PPA2: variants seen among roughly 807,000 people sequenced by gnomAD.
PPA2 encodes the protein inorganic pyrophosphatase 2.
In PPA2, 48 loss-of-function variants were observed where a neutral mutation model predicts 49.5. The ratio of observed to expected loss-of-function variants is 0.97; its 90% CI spans 0.77 to 1.23. The LOEUF is 1.23. Among genes scored for constraint, PPA2 ranks in the 50% most tolerant of loss-of-function variants. The probability of loss-of-function intolerance (pLI) is 0.00; values close to 1 mark genes in which losing one functional copy is unlikely to be tolerated. For missense variants in PPA2, 429 were observed against 410.1 expected (o/e 1.05, Z -0.40); for synonymous variants, 131 against 139.9 (o/e 0.94, Z 0.45).
At chr4:105,408,256 G>A (rs1248049179) in intron 7 of PPA2, among the ~76,000 whole-genome samples, 1 of 152,124 alleles carries the variant, frequency 6.6e-6, no homozygotes, top group East Asian at 1.9e-4. Context: ...CCACTAAGGT[G>A]CAAAACTACC....
At chr4:105,407,139 A>G (rs1394189907) in intron 7 of PPA2, 2 of 83,208 alleles carry the variant, frequency 2.4e-5, no homozygotes, top group Non-Finnish European at 5.1e-5. Flanking sequence ...AGTGCACTAC[A>G]AGCATAGTGA....
chr4:105,370,949 C>T, intron 10 of PPA2, 76 bp from the exon 11 acceptor site: 1 of 1,344,704 alleles, frequency 7.4e-7, no homozygotes, highest in Non-Finnish European at 9.8e-7. Context: ...GAAGTTTTTT[C>T]ACGAAATTAT....
intron 11 of PPA2, 122 bp from the exon 12 acceptor site, chr4:105,369,875 C>CCTG: frequency 3.3e-6 from 3 of 904,648 alleles, no homozygotes; most frequent in South Asian, 1.5e-5. Flanking sequence ...CAGTCATAAG[C>CCTG]TATCTAAAGT....
chr4:105,430,036 T>C (rs954269009), intron 6 of PPA2, among the ~76,000 whole-genome samples: 2 of 152,250 alleles, frequency 1.3e-5, no homozygotes, highest in Admixed American at 1.3e-4. Flanking sequence ...ATATATCCTT[T>C]TACTTTTAAA....
At chr4:105,381,474 T>C (rs914299565) in intron 10 of PPA2, among the ~76,000 whole-genome samples, 4 of 152,052 alleles carry the variant, frequency 2.6e-5, no homozygotes, top group South Asian at 2.1e-4. Context: ...GAAAACCTCA[T>C]TGGGATTCTG....
intron 10 of PPA2, among the ~76,000 whole-genome samples, chr4:105,382,852 T>G (rs189331888): frequency 3.9e-5 from 6 of 151,918 alleles, no homozygotes; most frequent in Admixed American, 2.0e-4. Flanking sequence ...CTAGAAAAAC[T>G]TCGCCAGGTG....
intron 1 of PPA2, among the ~76,000 whole-genome samples, chr4:105,458,722 T>C (rs1355945750): frequency 6.9e-6 from 1 of 145,704 alleles, no homozygotes; most frequent in African/African-American, 2.6e-5. Flanking sequence ...CTCAGGAAGC[T>C]GAGGCAGGAG....
chr4:105,369,478 C>T lies in PPA2; in HGVS notation c.*247G>A. 4.5e-6 allele frequency: 2 copies of T among 442,942 alleles called. No individual in the cohort carries two copies. The highest frequency in any genetic ancestry group is 8.1e-6 in the Non-Finnish European group (2 of 245,994). 27.4% of individuals were successfully genotyped at this position (442,942 alleles called of 1,614,324 possible). A position where few individuals can be genotyped will look rare whatever the true frequency, so the allele number is the denominator to read the frequency against. On this transcript the variant is annotated 3_prime_UTR_variant, in exon 12 of 12. Coordinates refer to ENST00000341695, the MANE Select transcript of PPA2 (RefSeq NM_176869.3). ...GACCTTGTGATCTGCCCACCTCGGCCTCCCAAAGTGCTGAAATTACAGGCA... is the reference window on the plus strand; with the variant it reads ...GACCTTGTGATCTGCCCACCTCGGCTTCCCAAAGTGCTGAAATTACAGGCA...
At chr4:105,455,311 C>T (rs1722835268) in intron 2 of PPA2, among the ~76,000 whole-genome samples, 1 of 152,298 alleles carries the variant, frequency 6.6e-6, no homozygotes, top group East Asian at 1.9e-4. Flanking sequence ...AACACATATA[C>T]ACACGCACTT....
intron 6 of PPA2, among the ~76,000 whole-genome samples, chr4:105,425,355 T>C (rs1225897605): frequency 1.3e-5 from 2 of 151,812 alleles, no homozygotes; most frequent in African/African-American, 2.4e-5. Flanking sequence ...CATGACAATA[T>C]GGAAGAGAGA....
intron 1 of PPA2, among the ~76,000 whole-genome samples, chr4:105,464,633 T>G (rs530282182): frequency 6.6e-6 from 1 of 152,262 alleles, no homozygotes; most frequent in South Asian, 2.1e-4. Flanking sequence ...TGGGAGATAA[T>G]TGAATCATGG....
At chr4:105,393,901 G>C (rs1238620510) in intron 9 of PPA2, among the ~76,000 whole-genome samples, 2 of 152,084 alleles carry the variant, frequency 1.3e-5, no homozygotes, top group African/African-American at 4.8e-5. Context: ...ATTAAGTTAT[G>C]ATAAAGAGAA....
In PPA2 at chr4:105,426,878, G is replaced by A. The variant is rs531925924; in HGVS notation, c.529-2556C>T. Among the ~76,000 whole-genome samples, 10 of 152,308 alleles carry A rather than the reference G, an allele frequency of 6.6e-5. 1 individual carries two copies. The South Asian group carries it at 1.0e-3, about 16-fold the overall frequency. On this transcript the variant is annotated intron_variant, in intron 6 of 11. Transcript: ENST00000341695. Reference sequence around the variant, plus strand: ...TCTTCCAGCATGGCATTTGAGCTCCGATAATAGACAAGACTGCCTCCTCAA... The same window carrying A: ...TCTTCCAGCATGGCATTTGAGCTCCAATAATAGACAAGACTGCCTCCTCAA...
chr4:105,465,080 T>TA (rs1272196518), intron 1 of PPA2, among the ~76,000 whole-genome samples: 1 of 152,186 alleles, frequency 6.6e-6, no homozygotes, highest in African/African-American at 2.4e-5. Context: ...GAATGCTCAT[T>TA]AAAATGCAGA....
chr4:105,399,188 T>C, intron 7 of PPA2, 24 bp from the exon 8 acceptor site: 1 of 1,578,032 alleles, frequency 6.3e-7, no homozygotes, highest in Non-Finnish European at 8.5e-7. Flanking sequence ...AACAAAAAGA[T>C]GTTTTGTTAA....
intron 8 of PPA2, 79 bp downstream of exon 8, chr4:105,398,958 C>T (rs1012444557): frequency 6.8e-7 from 1 of 1,481,192 alleles, no homozygotes; most frequent in Non-Finnish European, 9.1e-7. Flanking sequence ...TACATATTCA[C>T]ATAAGAAACT....
chr4:105,386,590 C>A lies in PPA2; in HGVS notation c.916G>T (p.Glu306Ter), dbSNP rs749389599. The change falls in exon 10 of 12, where the codon GAA (glutamate) becomes TAA (stop). Residue 306 changes from glutamate to a stop codon, truncating the protein, a stop_gained. Transcript: ENST00000341695. LOFTEE classifies it high-confidence loss of function. ...SDSPFRCTQE[E>*]ARSLVESVSS... The stretch of plus-strand genomic sequence containing the variant: ...ACCGATTCAACTAATGATCTTGCTT[C>A]CTCTTGAGTGCAACGGAAAGGGCTA... 1 of 1,612,306 alleles carries A rather than the reference C, an allele frequency of 6.2e-7. No homozygotes were observed. The highest frequency in any genetic ancestry group is 8.5e-7 in the Non-Finnish European group (1 of 1,178,820).
chr4:105,372,751 T>A (rs1446693026), intron 10 of PPA2, among the ~76,000 whole-genome samples: 1 of 152,196 alleles, frequency 6.6e-6, no homozygotes, highest in Admixed American at 6.5e-5. Flanking sequence ...CAACTGCAAA[T>A]TTTGGACTTG....
intron 5 of PPA2, among the ~76,000 whole-genome samples, chr4:105,438,266 C>T (rs2110290433): frequency 6.6e-6 from 1 of 152,306 alleles, no homozygotes; most frequent in African/African-American, 2.4e-5. Flanking sequence ...ATTGCATCTG[C>T]AAGTGGGTGG....
Sources: allele counts gnomAD v4.1 joint callset (sites outside exome capture counted in the v4.1 genomes callset), GRCh38; gene constraint gnomAD v4.1.1; transcripts MANE v1.5; gene names NCBI Gene and HGNC (gene_info 2026-07-23, HGNC 2026-07-21).